PCDHA4: variants seen among roughly 807,000 people sequenced by gnomAD.
PCDHA4 encodes the protein protocadherin alpha-4.
In PCDHA4, 49 loss-of-function variants were observed where a neutral mutation model predicts 61.4. The observed-to-expected ratio is 0.80, with a 90% confidence interval of 0.63 to 1.01. PCDHA4 has a LOEUF of 1.01. PCDHA4 is among the 50% of genes least tolerant of loss of function. PCDHA4 has a pLI of 0.00. For missense variants in PCDHA4, 1,254 were observed against 1,235.8 expected (o/e 1.01, Z -0.22); for synonymous variants, 590 against 550.3 (o/e 1.07, Z -1.01).
rs1171652738 is a variant in PCDHA4 at position 140,842,111 on chromosome 5, C to A, written c.2385+32539C>A. On this transcript the variant is annotated intron_variant, in intron 1 of 3. Transcript: ENST00000530339. ...AGACAACGGAACAACAGTTATCAAA[C>A]TGAATGCTTCTGATCCGGATGAAGG... is the stretch of plus-strand genomic sequence containing the variant. The A allele has an allele frequency of 3.1e-6, 5 of 1,613,758 alleles. No individual in the cohort carries two copies. In the Admixed American group the frequency reaches 8.3e-5, roughly 27 times the overall value.
chr5:140,841,845 A>G, intron 1 of PCDHA4: 1 of 1,613,930 alleles, frequency 6.2e-7, no homozygotes, highest in Non-Finnish European at 8.5e-7. Context: ...CTTAGCTCTC[A>G]TGATTACTTC....
At chr5:140,969,131 A>C in intron 1 of PCDHA4, 1 of 1,614,138 alleles carries the variant, frequency 6.2e-7, no homozygotes, top group African/African-American at 1.3e-5. Flanking sequence ...CTCCCTCACC[A>C]AGACCTACTG....
At chr5:140,927,964 G>A in intron 1 of PCDHA4, 1 of 1,614,230 alleles carries the variant, frequency 6.2e-7, no homozygotes, top group South Asian at 1.1e-5. Context: ...CCCTGGCACA[G>A]TGATTGCTCT....
intron 3 of PCDHA4, among the ~76,000 whole-genome samples, chr5:141,005,998 G>A (rs1289174174): frequency 1.3e-5 from 2 of 151,618 alleles, no homozygotes; most frequent in Non-Finnish European, 2.9e-5. Flanking sequence ...GGATCTGAAA[G>A]AAGGCCTGTA....
chr5:140,815,529 G>A (rs1554126806), intron 1 of PCDHA4: 1 of 89,522 alleles, frequency 1.1e-5, no homozygotes. Context: ...TTTATATTGT[G>A]TATACATTAT....
Position 140,851,214 on chromosome 5 carries a change from A to G in PCDHA4, c.2385+41642A>G. ...AGTTGTTAGTCATTCATTAAACATT[A>G]ACATCACTATCATTTATTTATTGCT... On this transcript the variant is annotated intron_variant, in intron 1 of 3. Coordinates refer to ENST00000530339, the MANE Select transcript of PCDHA4 (RefSeq NM_018907.4). The G allele has an allele frequency of 6.9e-6, 8 of 1,159,680 alleles. 1 individual carries two copies. The highest frequency in any genetic ancestry group is 7.7e-6 in the Non-Finnish European group (7 of 905,618). 71.8% of individuals were successfully genotyped at this position (1,159,680 alleles called of 1,614,324 possible).
chr5:140,875,792 A>G, intron 1 of PCDHA4: 1 of 1,614,116 alleles, frequency 6.2e-7, no homozygotes, highest in East Asian at 2.2e-5. Context: ...ATCCACCTGG[A>G]GGTGATCGTG....
At chr5:140,822,772 T>C in intron 1 of PCDHA4, 2 of 1,614,060 alleles carry the variant, frequency 1.2e-6, no homozygotes, top group Non-Finnish European at 1.7e-6. Flanking sequence ...ATCAGGACAC[T>C]GTAAAGTAGT....
chr5:140,836,344 A>T, intron 1 of PCDHA4: 1 of 1,613,666 alleles, frequency 6.2e-7, no homozygotes, highest in Non-Finnish European at 8.5e-7. Context: ...GTGAAGGACC[A>T]CGGGGAGCCC....
At chr5:140,868,461 GC>G (rs1399202356) in intron 1 of PCDHA4, 1 of 152,356 alleles carries the variant, frequency 6.6e-6, no homozygotes, top group African/African-American at 2.4e-5. Flanking sequence ...CTAAAGAGCT[GC>G]TTTTATAAAA....
intron 1 of PCDHA4, among the ~76,000 whole-genome samples, chr5:140,817,794 G>A (rs1031395082): frequency 6.6e-6 from 1 of 152,164 alleles, no homozygotes; most frequent in Admixed American, 6.5e-5. Flanking sequence ...TGCTGGTAAA[G>A]AAACCTTTAC....
At chr5:140,865,342 T>C (rs1437907469) in intron 1 of PCDHA4, 1 of 152,320 alleles carries the variant, frequency 6.6e-6, no homozygotes, top group African/African-American at 2.4e-5. Context: ...AAAGAAATAG[T>C]ATATTTACAT....
intron 1 of PCDHA4, among the ~76,000 whole-genome samples, chr5:140,895,928 A>G (rs559949902): frequency 5.9e-5 from 9 of 152,226 alleles, no homozygotes; most frequent in African/African-American, 1.9e-4. Flanking sequence ...ATCCTGCCTC[A>G]GCCTCCCGAG....
intron 1 of PCDHA4, chr5:140,852,656 G>C (rs2042430108): frequency 1.0e-6 from 1 of 961,570 alleles, no homozygotes; most frequent in African/African-American, 1.8e-5. Context: ...ATCTATATCT[G>C]TCTATCAGCA....
chr5:140,842,977 G>A (rs2150349031), intron 1 of PCDHA4: 2 of 1,595,034 alleles, frequency 1.3e-6, no homozygotes, highest in East Asian at 2.2e-5. Flanking sequence ...TGACGCTGCA[G>A]GTGTTCGTGC....
rs2150099116 is a variant in PCDHA4, at chr5:140,817,797, A to G, written c.2385+8225A>G. Among the ~76,000 whole-genome samples, 9 of 152,298 alleles carry G rather than the reference A, an allele frequency of 5.9e-5. No individual in the cohort carries two copies. In the South Asian group the frequency reaches 1.9e-3, roughly 32 times the overall value. ...TTTAGTGTGGCCTGCTGGTAAAGAAACCTTTACGTTTTTATATATCTGGAA... is the reference window on the plus strand; with the variant it reads ...TTTAGTGTGGCCTGCTGGTAAAGAAGCCTTTACGTTTTTATATATCTGGAA... On this transcript the variant is annotated intron_variant, in intron 1 of 3. Transcript: ENST00000530339.
At chr5:140,874,111 G>A (rs977519429) in intron 1 of PCDHA4, among the ~76,000 whole-genome samples, 2 of 152,174 alleles carry the variant, frequency 1.3e-5, no homozygotes, top group African/African-American at 2.4e-5. Flanking sequence ...ATTACTTAAC[G>A]TTTTATAGTT....
At chr5:140,877,467 G>C (rs1554169776) in intron 1 of PCDHA4, 3 of 1,613,752 alleles carry the variant, frequency 1.9e-6, no homozygotes, top group African/African-American at 2.7e-5. Flanking sequence ...CGGCCACGGT[G>C]CTGGTGTCGC....
At chr5:140,937,890 C>G (rs1209951664) in intron 1 of PCDHA4, among the ~76,000 whole-genome samples, 1 of 145,964 alleles carries the variant, frequency 6.9e-6, no homozygotes, top group Non-Finnish European at 1.5e-5. Flanking sequence ...CCAGCCTGGG[C>G]GACAGAGTGA....
Sources: gnomAD v4.1 joint callset for allele counts (sites outside exome capture counted in the v4.1 genomes callset) on GRCh38, gnomAD v4.1.1 for gene constraint, MANE v1.5 for transcripts, NCBI Gene and HGNC (gene_info 2026-07-23, HGNC 2026-07-21) for gene names.